MN1: variants seen among roughly 807,000 people sequenced by gnomAD.
The protein encoded by MN1 is MN1 proto-oncogene, transcriptional regulator.
A neutral mutation model predicts 86.9 loss-of-function variants in MN1; 19 were observed. The ratio of observed to expected loss-of-function variants is 0.22; its 90% CI spans 0.15 to 0.32. The LOEUF (loss-of-function observed/expected upper bound fraction) is 0.32, where lower values mean the gene tolerates loss of function less well. MN1 is among the 10% of genes least tolerant of loss of function. MN1 has a pLI of 1.00. For missense variants in MN1, 1,841 were observed against 1,862.0 expected (o/e 0.99, Z 0.21); for synonymous variants, 928 against 849.6 (o/e 1.09, Z -1.60).
intron 1 of MN1, among the ~76,000 whole-genome samples, chr22:27,762,242 A>G (rs964333704): frequency 3.9e-5 from 6 of 152,106 alleles, no homozygotes; most frequent in African/African-American, 1.4e-4. Flanking sequence ...CTTCCTCCTG[A>G]TGGTGGTGTT....
intron 1 of MN1, among the ~76,000 whole-genome samples, chr22:27,775,502 G>A (rs1353506369): frequency 1.3e-5 from 2 of 152,162 alleles, no homozygotes; most frequent in Non-Finnish European, 1.5e-5. Flanking sequence ...GGATGCTGAC[G>A]AGGTTATAGC....
chr22:27,777,557 GA>G (rs59902802), intron 1 of MN1, among the ~76,000 whole-genome samples: 17 of 111,100 alleles, frequency 1.5e-4, no homozygotes, highest in East Asian at 7.1e-4. Context: ...AAGAGAGAGA[GA>G]AAAAAAAAAT....
intron 1 of MN1, among the ~76,000 whole-genome samples, chr22:27,774,443 C>G (rs1601331418): frequency 6.6e-6 from 1 of 152,184 alleles, no homozygotes; most frequent in East Asian, 1.9e-4. Context: ...CCACACAGCC[C>G]CAGGTCGGAG....
intron 1 of MN1, among the ~76,000 whole-genome samples, chr22:27,789,370 C>G (rs1333021922): frequency 6.6e-6 from 1 of 152,178 alleles, no homozygotes; most frequent in East Asian, 1.9e-4. Context: ...GTAAGTCAAA[C>G]TGTAGCCCAA....
rs1239610259 is a variant in MN1 at position 27,798,276 on chromosome 22, C to A, written c.2268G>T (p.Thr756=). 2.0e-6 allele frequency: 3 copies of A among 1,527,788 alleles called. No individual in the cohort carries two copies. Among genetic ancestry groups the A allele is most frequent in the South Asian group, 2.4e-5 (2 of 82,836 alleles). The allele number at this position is 1,527,788 out of a possible 1,614,324, so 94.6% of individuals were successfully genotyped here. Residue 756 remains threonine, a synonymous_variant, in exon 1 of 2, where the codon ACG becomes ACT. Coordinates refer to ENST00000302326, the MANE Select transcript of MN1 (RefSeq NM_002430.3). ...AGTTCACGCCTGGACCGCTGTGCGG[C>A]GTGGACTGCCGGCCGGCTGCACCAA... ...FPFGAAGRQS[T]PHSGPGVNSP...
In MN1 at chr22:27,750,810, T is replaced by C. The variant is rs1601319364; in HGVS notation, c.*105A>G. On this transcript the variant is annotated 3_prime_UTR_variant, in exon 2 of 2. Coordinates refer to ENST00000302326, the MANE Select transcript of MN1 (RefSeq NM_002430.3). ...AAAAAAAAACTCATCCACTCAGCAATAGTGGCCCTTTCAAATTAACAGAGG... is the reference window on the plus strand; with the variant it reads ...AAAAAAAAACTCATCCACTCAGCAACAGTGGCCCTTTCAAATTAACAGAGG... The C allele has an allele frequency of 2.1e-6, 2 of 973,984 alleles. No individual in the cohort carries two copies. The highest frequency in any genetic ancestry group is 3.9e-5 in the South Asian group (2 of 50,650). The allele number at this position is 973,984 out of a possible 1,614,324, so 60.3% of individuals were successfully genotyped here.
At chr22:27,761,505 C>A (rs898875387) in intron 1 of MN1, among the ~76,000 whole-genome samples, 192 of 152,034 alleles carry the variant, frequency 1.3e-3, no homozygotes, top group Non-Finnish European at 2.2e-3. Context: ...GAGGACAAAA[C>A]CGGACAGCCC....
rs1933399251 is a variant in MN1, at chr22:27,799,934, G to A, written c.610C>T (p.His204Tyr). The A allele has an allele frequency of 6.2e-7, 1 of 1,603,038 alleles. No individual in the cohort carries two copies. Among genetic ancestry groups the A allele is most frequent in the Admixed American group, 1.7e-5 (1 of 59,594 alleles). Residue 204 changes from histidine to tyrosine, a missense_variant, in exon 1 of 2, where the codon CAC becomes TAC. Physicochemically the swap from His to Tyr is moderately conservative, Grantham distance 83. Transcript: ENST00000302326. The part of the protein sequence containing the change: ...DQSPNRAASF[H>Y]GLPSSSGSDS... ...GAGCCGCTGGAGGACGGCAGGCCGT[G>A]GAAGGAGGCGGCTCGGTTAGGGCTC... is the stretch of plus-strand genomic sequence containing the variant.
chr22:27,794,497 C>T (rs189739582), intron 1 of MN1, among the ~76,000 whole-genome samples: 5 of 152,314 alleles, frequency 3.3e-5, no homozygotes, highest in Admixed American at 6.5e-5. Context: ...CCTGTCGCCC[C>T]GCATGCAGGG....
intron 1 of MN1, among the ~76,000 whole-genome samples, chr22:27,752,828 C>G (rs1175152324): frequency 2.0e-5 from 3 of 152,164 alleles, no homozygotes; most frequent in African/African-American, 7.2e-5. Context: ...GGGCTCTGCT[C>G]CAGCTGAGGG....
chr22:27,774,192 T>A (rs1015049407), intron 1 of MN1, among the ~76,000 whole-genome samples: 6 of 152,218 alleles, frequency 3.9e-5, no homozygotes, highest in African/African-American at 1.4e-4. Flanking sequence ...AAAACACGTC[T>A]GGGCAGATCG....
chr22:27,798,078 C>A lies in MN1; in HGVS notation c.2466G>T (p.Gln822His), dbSNP rs769641013. Reference sequence around the variant, plus strand: ...CGGTGGAGAGCGCAGCCAGGCAGCTCTGGCCGAACAGGTTGTCCTTGGAGC... The same window carrying A: ...CGGTGGAGAGCGCAGCCAGGCAGCTATGGCCGAACAGGTTGTCCTTGGAGC... Reference protein sequence around the residue: ...KPSSKDNLFGQSCLAALSTAC... With the variant: ...KPSSKDNLFGHSCLAALSTAC... Residue 822 changes from glutamine (Q) to histidine (H), a missense_variant, in exon 1 of 2, where the codon CAG becomes CAT. Gln to His is a conservative substitution (Grantham distance 24). Coordinates refer to ENST00000302326, the MANE Select transcript of MN1 (RefSeq NM_002430.3). 6.2e-7 allele frequency: 1 copy of A among 1,611,480 alleles called. No homozygotes were observed. The highest frequency in any genetic ancestry group is 2.2e-5 in the East Asian group (1 of 44,854).
At chr22:27,780,323 C>T (rs1021560585) in intron 1 of MN1, among the ~76,000 whole-genome samples, 1 of 152,134 alleles carries the variant, frequency 6.6e-6, no homozygotes, top group Admixed American at 6.5e-5. Context: ...ACCAGCAATG[C>T]CTTTTTCCTA....
Position 27,798,930 on chromosome 22 carries a change from C to T in MN1, c.1614G>A (p.Gln538=), listed in dbSNP as rs779245453. The T allele has an allele frequency of 7.7e-6, 12 of 1,557,602 alleles. No individual in the cohort carries two copies. Among genetic ancestry groups the T allele is most frequent in the African/African-American group, 1.4e-5 (1 of 73,152 alleles). Residue 538 remains glutamine, a synonymous_variant, in exon 1 of 2, where the codon CAG becomes CAA. Coordinates refer to ENST00000302326, the MANE Select transcript of MN1 (RefSeq NM_002430.3). ...QQQQQQQQQQ[Q]QQQQQQQQQQ... is the part of the protein sequence containing the mutation. ...GCTGCTGTTGCTGTTGCTGTTGCTG[C>T]TGCTGCTGCTGCTGTTGCTGCTGCT...
At chr22:27,769,758 G>A (rs779423276) in intron 1 of MN1, among the ~76,000 whole-genome samples, 9 of 151,390 alleles carry the variant, frequency 5.9e-5, no homozygotes, top group East Asian at 2.0e-4. Context: ...GTTTCACCGC[G>A]TTACCCAGGA....
intron 1 of MN1, among the ~76,000 whole-genome samples, chr22:27,794,981 G>A (rs905209535): frequency 1.3e-5 from 2 of 150,314 alleles, no homozygotes; most frequent in Non-Finnish European, 3.0e-5. Flanking sequence ...GCTATCGATC[G>A]GGCCAGATCG....
Position 27,800,910 on chromosome 22 carries a change from A to T in MN1, c.-367T>A. The T allele has an allele frequency of 1.2e-5, 4 of 321,206 alleles. No homozygotes were observed. Among genetic ancestry groups the T allele is most frequent in the Non-Finnish European group, 1.7e-5 (3 of 171,624 alleles). The allele number at this position is 321,206 out of a possible 1,614,324, so 19.9% of individuals were successfully genotyped here. On this transcript the variant is annotated 5_prime_UTR_variant, in exon 1 of 2. Coordinates refer to ENST00000302326, the MANE Select transcript of MN1 (RefSeq NM_002430.3). ...GTTAAGTGGGGGGAATGGGGAGGGA[A>T]GGGGGTTGGGAGAGCAGAGCGATCA...
chr22:27,792,516 A>G (rs998460943), intron 1 of MN1, among the ~76,000 whole-genome samples: 7 of 151,950 alleles, frequency 4.6e-5, no homozygotes, highest in Admixed American at 4.6e-4. Context: ...GTATGATTGC[A>G]GATGTGTGTT....
In MN1 at chr22:27,795,206, T is replaced by A. The variant is rs1221926516; in HGVS notation, c.3781+1557A>T. Among the ~76,000 whole-genome samples, 3 of 151,970 alleles carry A rather than the reference T, an allele frequency of 2.0e-5. No homozygotes were observed. The East Asian group carries it at 5.8e-4, about 29-fold the overall frequency. ...ACCCGGCTTCAAATGAGAGAGTGCG[T>A]CCCGGGCGTCCTGGGCTGGGCAGTA... On this transcript the variant is annotated intron_variant, in intron 1 of 1. Coordinates refer to ENST00000302326, the MANE Select transcript of MN1 (RefSeq NM_002430.3).
Sources: gnomAD v4.1 joint callset for allele counts (sites outside exome capture counted in the v4.1 genomes callset) on GRCh38, gnomAD v4.1.1 for gene constraint, MANE v1.5 for transcripts, NCBI Gene and HGNC (gene_info 2026-07-23, HGNC 2026-07-21) for gene names.